The following TYRO3 variants were observed in gnomAD, a reference collection of about 807,000 sequenced individuals.
The protein encoded by TYRO3 is TYRO3 protein tyrosine kinase.
TYRO3 carries 38 observed loss-of-function variants against 95.2 expected under a neutral mutation model. The ratio of observed to expected loss-of-function variants is 0.40; its 90% CI spans 0.31 to 0.52. The LOEUF (loss-of-function observed/expected upper bound fraction) is 0.52, where lower values mean the gene tolerates loss of function less well. Among genes scored for constraint, TYRO3 ranks in the 20% least tolerant of loss-of-function variants. The pLI is 0.56. For synonymous variants in TYRO3, 367 were observed against 432.9 expected (o/e 0.85, Z 1.89); for missense variants, 812 against 1,116.4 (o/e 0.73, Z 3.89).
chr15:41,572,925 C>A, intron 15 of TYRO3, 77 bp from the exon 16 acceptor site: 1 of 994,398 alleles, frequency 1.0e-6, no homozygotes, highest in Non-Finnish European at 1.5e-6. Flanking sequence ...TTCAGGCTTT[C>A]TGGCCAGGGA....
chr15:41,565,190 C>A (rs949143056), intron 6 of TYRO3, 49 bp downstream of exon 6: 1 of 1,230,996 alleles, frequency 8.1e-7, no homozygotes, highest in Non-Finnish European at 1.2e-6. Context: ...ATGGCCAGCA[C>A]TTTGTTGACA....
At chr15:41,560,428 T>TGTGTGTGTGTGTGTGTGTGCGC (rs1408766845) in intron 1 of TYRO3, among the ~76,000 whole-genome samples, 1 of 135,256 alleles carries the variant, frequency 7.4e-6, no homozygotes, top group African/African-American at 3.0e-5. Flanking sequence ...TGTGTGTGTG[T>TGTGTGTGTGTGTGTGTGTGCGC]GCGCGCGCGC....
chr15:41,578,355 C>T lies in TYRO3; in HGVS notation c.*79C>T. On this transcript the variant is annotated 3_prime_UTR_variant, in exon 19 of 19. Transcript: ENST00000263798. ...TGGCTGACTAAGCCCCGTCTGACCC[C>T]AGCCCAGACAGCAAGGTGTGGAGGC... The T allele has an allele frequency of 6.4e-7, 1 of 1,551,714 alleles. No homozygotes were observed. The highest frequency in any genetic ancestry group is 8.8e-7 in the Non-Finnish European group (1 of 1,141,356).
chr15:41,568,947 C>T lies in TYRO3; in HGVS notation c.1177C>T (p.Arg393Cys), dbSNP rs576219159. The T allele has an allele frequency of 4.8e-5, 78 of 1,613,914 alleles. No individual in the cohort carries two copies. The South Asian group carries it at 6.4e-4, about 13-fold the overall frequency. Residue 393 changes from arginine (R) to cysteine (C), a missense_variant, in exon 9 of 19, where the codon CGT (arginine) becomes TGT (cysteine). By Grantham distance (180) the Arg-to-Cys change is radical. Coordinates refer to ENST00000263798, the MANE Select transcript of TYRO3 (RefSeq NM_006293.4). ...GWDPQKDLIV[R>C]VCVSNAVGCG... is the part of the protein sequence containing the mutation. Reference sequence around the variant, plus strand: ...GGATCCCCAAAAGGACCTGATCGTACGTGTGTGCGTCTCCAATGCAGTTGG... The same window carrying T: ...GGATCCCCAAAAGGACCTGATCGTATGTGTGTGCGTCTCCAATGCAGTTGG...
chr15:41,567,575 G>A lies in TYRO3; in HGVS notation c.961+38G>A, dbSNP rs779613267. 7 of 1,414,530 alleles carry A rather than the reference G, an allele frequency of 4.9e-6. No homozygotes were observed. In the South Asian group the frequency reaches 7.3e-5, roughly 15 times the overall value. 87.6% of individuals were successfully genotyped at this position (1,414,530 alleles called of 1,614,324 possible). ...TAGAGCAGAGCGGGTGGGCAGGGCT[G>A]GAGCCGGGAAGGGGGCCGTGTTGGC... On this transcript the variant is annotated intron_variant, in intron 7 of 18. Transcript: ENST00000263798.
rs1302103669 is a variant in TYRO3, at chr15:41,580,585, C to T, written c.*2309C>T. 1.3e-5 allele frequency: 2 copies of T among 150,716 alleles called. No individual in the cohort carries two copies. Among genetic ancestry groups the T allele is most frequent in the Admixed American group, 6.6e-5 (1 of 15,120 alleles). 9.3% of individuals were successfully genotyped at this position (150,716 alleles called of 1,614,324 possible). On this transcript the variant is annotated 3_prime_UTR_variant, in exon 19 of 19. Coordinates refer to ENST00000263798, the MANE Select transcript of TYRO3 (RefSeq NM_006293.4). ...CCACCTAGAGATAATCACCATTGATCTTTTGAAAATGCAAATATTCAGCTG... is the reference window on the plus strand; with the variant it reads ...CCACCTAGAGATAATCACCATTGATTTTTTGAAAATGCAAATATTCAGCTG...
chr15:41,575,258 C>T (rs1416823710), intron 18 of TYRO3, among the ~76,000 whole-genome samples: 1 of 152,246 alleles, frequency 6.6e-6, no homozygotes, highest in Non-Finnish European at 1.5e-5. Flanking sequence ...AAGCCAGGCC[C>T]TGGCCCTCCT....
chr15:41,563,016 G>A (rs1303040045), intron 4 of TYRO3, among the ~76,000 whole-genome samples: 1 of 152,064 alleles, frequency 6.6e-6, no homozygotes, highest in Non-Finnish European at 1.5e-5. Flanking sequence ...ATGAGACCAG[G>A]GGCACCCATC....
At chr15:41,562,386 G>C (rs903000525) in intron 3 of TYRO3, 162 bp from the exon 4 acceptor site, 2 of 391,172 alleles carry the variant, frequency 5.1e-6, no homozygotes, top group Non-Finnish European at 8.7e-6. Flanking sequence ...GAGAAGCACC[G>C]CCTACCTCTC....
rs147808646 is a variant in TYRO3 at position 41,568,314 on chromosome 15, C to T, written c.1059C>T (p.Gly353=). The T allele has an allele frequency of 8.7e-6, 14 of 1,613,900 alleles. No homozygotes were observed. The South Asian group carries it at 8.8e-5, about 10-fold the overall frequency. Residue 353 remains glycine, a synonymous_variant, in exon 8 of 19, where the codon GGC becomes GGT. Transcript: ENST00000263798. ...EEVIPEAPLE[G]PLGPYKLSWV... ...TGATCCCCGAGGCCCCTTTGGAAGG[C>T]CCCCTGGGACCCTACAAACTGTCCT...
rs1187741681 is a variant in TYRO3 at position 41,564,832 on chromosome 15, C to T, written c.668-194C>T. On this transcript the variant is annotated intron_variant, in intron 5 of 18. Coordinates refer to ENST00000263798, the MANE Select transcript of TYRO3 (RefSeq NM_006293.4). Reference sequence around the variant, plus strand: ...GCAACCTCTCTCCACAGCCCAGGCACTCTCCCAGGTGTGAGCAGCTGTGCC... The same window carrying T: ...GCAACCTCTCTCCACAGCCCAGGCATTCTCCCAGGTGTGAGCAGCTGTGCC... 3 of 577,324 alleles carry T rather than the reference C, an allele frequency of 5.2e-6. No homozygotes were observed. In the East Asian group the frequency reaches 8.8e-5, roughly 17 times the overall value. 35.8% of individuals were successfully genotyped at this position (577,324 alleles called of 1,614,324 possible).
rs1472600415 is a variant in TYRO3 at position 41,572,505 on chromosome 15, A to C, written c.1816A>C (p.Met606Leu). Reference sequence around the variant, plus strand: ...CATCCCCATGGTCATCTTGCCCTTCATGAAGCATGGGGACCTGCATGCCTT... The same window carrying C: ...CATCCCCATGGTCATCTTGCCCTTCCTGAAGCATGGGGACCTGCATGCCTT... Reference protein sequence around the residue: ...LPIPMVILPFMKHGDLHAFLL... With the variant: ...LPIPMVILPFLKHGDLHAFLL... The change falls in exon 15 of 19, where the codon ATG (methionine) becomes CTG (leucine). Residue 606 changes from methionine to leucine, a missense_variant. Physicochemically the swap from Met to Leu is conservative, Grantham distance 15 (BLOSUM62 2). Coordinates refer to ENST00000263798, the MANE Select transcript of TYRO3 (RefSeq NM_006293.4). The C allele has an allele frequency of 1.9e-6, 3 of 1,614,218 alleles. No homozygotes were observed. Among genetic ancestry groups the C allele is most frequent in the Non-Finnish European group, 2.5e-6 (3 of 1,180,042 alleles).
intron 14 of TYRO3, 66 bp downstream of exon 14, chr15:41,571,753 T>C: frequency 3.9e-6 from 3 of 763,384 alleles, no homozygotes; most frequent in South Asian, 1.5e-5. Flanking sequence ...CAATATGAGA[T>C]GGCAGCCTAT....
intron 6 of TYRO3, 88 bp from the exon 7 acceptor site, chr15:41,567,272 T>C (rs16971872): frequency 0.13 from 147,475 of 1,164,046 alleles, 11,999 homozygotes; most frequent in African/African-American, 0.38. Flanking sequence ...AGAGGAAGCA[T>C]TCATTCAAGC....
chr15:41,564,132 G>A (rs936072062), intron 4 of TYRO3, 52 bp from the exon 5 acceptor site: 29 of 1,520,942 alleles, frequency 1.9e-5, no homozygotes, highest in South Asian at 7.9e-5. Context: ...TCCCAGTCCC[G>A]CACTGAGTGG....
At position 41,577,660 on chromosome 15, in the gene TYRO3, G is replaced by A. The variant is rs143273304; in HGVS notation, c.2283-226G>A. 277 of 392,590 alleles carry A rather than the reference G, an allele frequency of 7.1e-4. 1 individual carries two copies. Among genetic ancestry groups the A allele is most frequent in the African/African-American group, 5.4e-3 (264 of 49,062 alleles). 24.3% of individuals were successfully genotyped at this position (392,590 alleles called of 1,614,324 possible). ...TGTCTACCAAGCCTGGCTAATTTTT[G>A]TATTATTATAGAGACAGGGTTTTGC... On this transcript the variant is annotated intron_variant, in intron 18 of 18. Transcript: ENST00000263798.
chr15:41,560,593 A>T (rs572374189), intron 1 of TYRO3, among the ~76,000 whole-genome samples: 101 of 152,094 alleles, frequency 6.6e-4, no homozygotes, highest in African/African-American at 2.4e-3. Context: ...AATAGAGTGG[A>T]TGGCTGCCAG....
intron 6 of TYRO3, among the ~76,000 whole-genome samples, chr15:41,565,694 G>T (rs112749439): frequency 1.8e-3 from 266 of 150,938 alleles, no homozygotes; most frequent in Non-Finnish European, 2.7e-3. Context: ...CTCCCAAAGT[G>T]CTGGTATTAC....
At chr15:41,560,087 G>C (rs1297291992) in intron 1 of TYRO3, among the ~76,000 whole-genome samples, 1 of 152,196 alleles carries the variant, frequency 6.6e-6, no homozygotes, top group Non-Finnish European at 1.5e-5. Context: ...CCCATCCTGT[G>C]ACTGGTCCTG....
Sources: gnomAD v4.1 joint callset for allele counts (sites outside exome capture counted in the v4.1 genomes callset) on GRCh38, gnomAD v4.1.1 for gene constraint, MANE v1.5 for transcripts, NCBI Gene and HGNC (gene_info 2026-07-23, HGNC 2026-07-21) for gene names.